Variants in FRK observed in about 807,000 individuals in gnomAD.
FRK encodes tyrosine-protein kinase FRK.
Under a neutral mutation model 56.4 loss-of-function variants are expected in FRK, and 51 were observed. The ratio of observed to expected loss-of-function variants is 0.90; its 90% CI spans 0.72 to 1.14. FRK has a LOEUF of 1.14. FRK is among the 50% of genes most tolerant of loss of function. The probability of loss-of-function intolerance (pLI) is 0.00; values close to 1 mark genes in which losing one functional copy is unlikely to be tolerated. For synonymous variants in FRK, 245 were observed against 217.9 expected (o/e 1.12, Z -1.10); for missense variants, 570 against 601.4 (o/e 0.95, Z 0.55).
upstream of FRK, among the ~76,000 whole-genome samples, chr6:116,062,679 C>T (rs1478350520): frequency 1.3e-5 from 2 of 152,090 alleles, no homozygotes; most frequent in Non-Finnish European, 2.9e-5. Flanking sequence ...ATTCAAAAAG[C>T]GGCCAACCAT....
chr6:116,060,273 T>C lies in FRK; in HGVS notation c.39A>G (p.Glu13=). The C allele has an allele frequency of 1.2e-6, 2 of 1,613,836 alleles. No homozygotes were observed. Among genetic ancestry groups the C allele is most frequent in the Non-Finnish European group, 8.5e-7 (1 of 1,179,930 alleles). ...NICQRLWEYL[E]PYLPCLSTEA... is the part of the protein sequence containing the mutation. Reference sequence around the variant, plus strand: ...CCGTGGACAAACAGGGGAGATAGGGTTCTAGGTACTCCCAGAGCCTCTGAC... The same window carrying C: ...CCGTGGACAAACAGGGGAGATAGGGCTCTAGGTACTCCCAGAGCCTCTGAC... Residue 13 remains glutamate (E), a synonymous_variant, in exon 1 of 8, where the codon GAA becomes GAG. Transcript: ENST00000606080.
At chr6:116,047,842 T>A (rs1158277598) in intron 1 of FRK, among the ~76,000 whole-genome samples, 2 of 152,246 alleles carry the variant, frequency 1.3e-5, no homozygotes, top group Non-Finnish European at 2.9e-5. Flanking sequence ...AAGTGCTTTT[T>A]AAGTCTCCAC....
Position 115,952,951 on chromosome 6 carries a change from T to C in FRK, c.958+3501A>G, listed in dbSNP as rs183196779. Among the ~76,000 whole-genome samples the C allele has an allele frequency of 9.2e-3, 1,341 of 146,538 alleles. 23 individuals are homozygous for C. The highest frequency in any genetic ancestry group is 0.033 in the African/African-American group (1,293 of 39,784). On this transcript the variant is annotated intron_variant, in intron 5 of 7. Coordinates refer to ENST00000606080, the MANE Select transcript of FRK (RefSeq NM_002031.3). Reference sequence around the variant, plus strand: ...GTGGGGGGAGGGGGGAGGGATAGCATTGGGAGATATACCTAACGCTAAATG... The same window carrying C: ...GTGGGGGGAGGGGGGAGGGATAGCACTGGGAGATATACCTAACGCTAAATG...
intron 5 of FRK, among the ~76,000 whole-genome samples, chr6:115,954,916 T>C (rs975509385): frequency 6.6e-6 from 1 of 152,062 alleles, no homozygotes; most frequent in African/African-American, 2.4e-5. Flanking sequence ...CAATGTAGCA[T>C]GGATAAGAAA....
chr6:116,053,352 T>C (rs750962576), intron 1 of FRK, among the ~76,000 whole-genome samples: 13 of 152,112 alleles, frequency 8.5e-5, no homozygotes, highest in Non-Finnish European at 1.9e-4. Context: ...TGAGGCAAAG[T>C]TTTGTTGGTT....
chr6:115,946,380 C>T (rs954243822), intron 5 of FRK, among the ~76,000 whole-genome samples: 2 of 152,062 alleles, frequency 1.3e-5, no homozygotes, highest in Admixed American at 6.6e-5. Context: ...TTATGGTATT[C>T]GTTGTTAAAA....
rs1254674174 is a variant in FRK at position 115,941,338 on chromosome 6, T to G, written c.*1076A>C. The G allele has an allele frequency of 6.6e-6, 1 of 151,984 alleles. No homozygotes were observed. The highest frequency in any genetic ancestry group is 2.4e-5 in the African/African-American group (1 of 41,368). The allele number at this position is 151,984 out of a possible 1,614,324, so 9.4% of individuals were successfully genotyped here. A position where few individuals can be genotyped will look rare whatever the true frequency, so the allele number is the denominator to read the frequency against. On this transcript the variant is annotated 3_prime_UTR_variant, in exon 8 of 8. Transcript: ENST00000606080. ...GAGGGGAACATCACATACTGGGGCC[T>G]GTCAGGGGATGGAGGGCTAGGGGAG...
At chr6:116,086,676 G>T in the FRK span, among the ~76,000 whole-genome samples, 1 of 152,326 alleles carries the variant, frequency 6.6e-6, no homozygotes, top group East Asian at 1.9e-4. Context: ...GATTACTAAG[G>T]ACATGGGATT....
chr6:115,962,301 G>A (rs1187647987), intron 4 of FRK, among the ~76,000 whole-genome samples: 1 of 150,690 alleles, frequency 6.6e-6, no homozygotes, highest in Middle Eastern at 3.4e-3. Flanking sequence ...GACAAAGAAG[G>A]CCATTACATA....
upstream of FRK, among the ~76,000 whole-genome samples, chr6:116,061,539 A>G (rs1777624955): frequency 7.4e-6 from 1 of 134,522 alleles, no homozygotes; most frequent in Non-Finnish European, 1.7e-5. Flanking sequence ...TGACCTCCAG[A>G]TCTATGCTAG....
chr6:116,077,807 C>T, the FRK span, among the ~76,000 whole-genome samples: 3,915 of 152,284 alleles, frequency 0.026, 94 homozygotes, highest in Non-Finnish European at 0.037. Flanking sequence ...GCCAGATCAA[C>T]TAATACTATA....
At chr6:116,093,835 T>C in the FRK span, among the ~76,000 whole-genome samples, 9 of 152,198 alleles carry the variant, frequency 5.9e-5, no homozygotes, top group African/African-American at 1.9e-4. Context: ...TGAGGTTCAA[T>C]TGATCCTAAA....
chr6:115,983,194 G>A (rs1006976229), intron 2 of FRK, among the ~76,000 whole-genome samples: 5 of 152,088 alleles, frequency 3.3e-5, no homozygotes, highest in Non-Finnish European at 7.4e-5. Flanking sequence ...GTTTACAGTG[G>A]AGAAAACTAG....
chr6:116,021,535 G>C (rs1050379388), intron 1 of FRK, among the ~76,000 whole-genome samples: 5 of 152,060 alleles, frequency 3.3e-5, no homozygotes, highest in African/African-American at 1.2e-4. Context: ...GTAGGAGTTT[G>C]ACTTGACAAG....
At chr6:116,075,488 G>GA in the FRK span, among the ~76,000 whole-genome samples, 6 of 150,446 alleles carry the variant, frequency 4.0e-5, no homozygotes, top group African/African-American at 1.5e-4. Context: ...AAAAAACCTG[G>GA]AACTTTTTTT....
the FRK span, among the ~76,000 whole-genome samples, chr6:116,090,874 G>T: frequency 6.6e-6 from 1 of 152,120 alleles, no homozygotes; most frequent in Non-Finnish European, 1.5e-5. Context: ...CTCAGCTGCT[G>T]GCAAATCAAC....
At chr6:116,081,444 G>A in the FRK span, among the ~76,000 whole-genome samples, 1 of 152,106 alleles carries the variant, frequency 6.6e-6, no homozygotes, top group African/African-American at 2.4e-5. Context: ...ATCACCTGAG[G>A]TCAGGAGTTT....
At chr6:116,093,752 A>G in the FRK span, among the ~76,000 whole-genome samples, 1 of 152,322 alleles carries the variant, frequency 6.6e-6, no homozygotes, top group Non-Finnish European at 1.5e-5. Flanking sequence ...CAGGGAAAGG[A>G]AGAAAATCCT....
chr6:116,037,027 T>C (rs556892609), intron 1 of FRK, among the ~76,000 whole-genome samples: 1 of 152,286 alleles, frequency 6.6e-6, no homozygotes, highest in Non-Finnish European at 1.5e-5. Context: ...TATTTCATGT[T>C]TGTCCTAATG....
Sources: allele counts gnomAD v4.1 joint callset (sites outside exome capture counted in the v4.1 genomes callset), GRCh38; gene constraint gnomAD v4.1.1; transcripts MANE v1.5; gene names NCBI Gene and HGNC (gene_info 2026-07-23, HGNC 2026-07-21).